Variants in ZEB1 observed in about 807,000 individuals in gnomAD.
ZEB1 encodes the protein zinc finger E-box binding homeobox 1, also known as zinc finger E-box-binding homeobox 1.
A neutral mutation model predicts 84.9 loss-of-function variants in ZEB1; 21 were observed. That is an observed-to-expected ratio of 0.25 (90% CI 0.18 to 0.36). ZEB1 has a LOEUF of 0.36. ZEB1 is among the 10% of genes least tolerant of loss of function. ZEB1 has a pLI of 1.00. For synonymous variants in ZEB1, 420 were observed against 471.1 expected, an observed-to-expected ratio of 0.89 and a Z score of 1.41; for missense variants, 1,104 against 1,330.2, an observed-to-expected ratio of 0.83 and a Z score of 2.65.
At chr10:31,424,278 A>G (rs1327725709) in intron 1 of ZEB1, among the ~76,000 whole-genome samples, 7 of 151,988 alleles carry the variant, frequency 4.6e-5, no homozygotes, top group Non-Finnish European at 8.8e-5. Flanking sequence ...ATGACTTTGC[A>G]TAACATTGTT....
chr10:31,469,871 C>T (rs575239673), intron 2 of ZEB1, among the ~76,000 whole-genome samples: 30 of 151,988 alleles, frequency 2.0e-4, no homozygotes, highest in Middle Eastern at 3.4e-3. Context: ...GATCTGAGAA[C>T]GGGTAGACTG....
chr10:31,383,360 T>C (rs1461469931), intron 1 of ZEB1, among the ~76,000 whole-genome samples: 1 of 152,118 alleles, frequency 6.6e-6, no homozygotes, highest in African/African-American at 2.4e-5. Flanking sequence ...TAAATGGGGC[T>C]AGTGGCCACA....
intron 2 of ZEB1, among the ~76,000 whole-genome samples, chr10:31,481,484 A>C (rs1450715181): frequency 6.6e-6 from 1 of 152,000 alleles, no homozygotes; most frequent in Non-Finnish European, 1.5e-5. Context: ...TGAGCCTAGA[A>C]TAGTAAGTAC....
chr10:31,360,811 C>T (rs2042905706), intron 1 of ZEB1: 1 of 678,174 alleles, frequency 1.5e-6, no homozygotes, highest in Non-Finnish European at 2.6e-6. Flanking sequence ...CATATATACA[C>T]TTAAAGTAAA....
chr10:31,504,535 C>A (rs980183206), intron 4 of ZEB1, among the ~76,000 whole-genome samples: 1 of 151,902 alleles, frequency 6.6e-6, no homozygotes, highest in South Asian at 2.1e-4. Context: ...ATCTGTAGAT[C>A]GCTCTGGGCA....
At chr10:31,496,756 T>A (rs991639309) in intron 3 of ZEB1, among the ~76,000 whole-genome samples, 3 of 152,116 alleles carry the variant, frequency 2.0e-5, no homozygotes, top group African/African-American at 7.2e-5. Context: ...TTTGTTTTTT[T>A]ACTTTGCTGT....
In ZEB1 at chr10:31,506,460, A is replaced by G. The variant is rs958463719; in HGVS notation, c.484+3951A>G. 2.6e-5 allele frequency among the ~76,000 whole-genome samples: 4 copies of G among 152,048 alleles called. No homozygotes were observed. The East Asian group carries it at 7.7e-4, about 29-fold the overall frequency. On this transcript the variant is annotated intron_variant, in intron 4 of 8. Coordinates refer to ENST00000424869, the MANE Select transcript of ZEB1 (RefSeq NM_001174096.2). ...CCAGGTACTCCAGTCTTGGGTACAT[A>G]TATGTTAAGAATTGTTATATCCTCT...
rs1442703436 is a variant in ZEB1, at chr10:31,377,743, G to A, written c.58+58451G>A. Among the ~76,000 whole-genome samples, 4 of 151,756 alleles carry A rather than the reference G, an allele frequency of 2.6e-5. 1 individual carries two copies. The highest frequency in any genetic ancestry group is 2.0e-4 in the Admixed American group (3 of 15,196). ...GGGAAACATGAAATTCCTTTAGTGT[G>A]CCTCATTTTCAGACATTTTCTTGTT... On this transcript the variant is annotated intron_variant, in intron 1 of 8. Transcript: ENST00000424869.
chr10:31,334,535 G>C (rs1365614180), intron 1 of ZEB1, among the ~76,000 whole-genome samples: 1 of 151,548 alleles, frequency 6.6e-6, no homozygotes, highest in East Asian at 1.9e-4. Context: ...GCAATTTTAA[G>C]AATTAGAAAA....
chr10:31,387,865 T>A (rs1056897689), intron 1 of ZEB1: 12 of 678,404 alleles, frequency 1.8e-5, no homozygotes, highest in Non-Finnish European at 2.2e-5. Context: ...CTTGAAAAAA[T>A]TACTTAAAAT....
Position 31,526,780 on chromosome 10 carries a change from A to C in ZEB1, c.2894A>C (p.Lys965Thr), listed in dbSNP as rs765964382. Reference sequence around the variant, plus strand: ...GGAGAAAAGCCCTATCAATGTGACAAATGTGGAAAGCGCTTCTCACACTCT... The same window carrying C: ...GGAGAAAAGCCCTATCAATGTGACACATGTGGAAAGCGCTTCTCACACTCT... ...HSGEKPYQCD[K>T]CGKRFSHSGS... Residue 965 changes from lysine (K) to threonine (T), a missense_variant, in exon 9 of 9, where the codon AAA becomes ACA. Coordinates refer to ENST00000424869, the MANE Select transcript of ZEB1 (RefSeq NM_001174096.2). The C allele has an allele frequency of 6.2e-7, 1 of 1,614,106 alleles. No homozygotes were observed. Among genetic ancestry groups the C allele is most frequent in the Non-Finnish European group, 8.5e-7 (1 of 1,180,012 alleles).
chr10:31,330,025 G>C (rs575059552), intron 1 of ZEB1, among the ~76,000 whole-genome samples: 1 of 152,188 alleles, frequency 6.6e-6, no homozygotes, highest in African/African-American at 2.4e-5. Flanking sequence ...TACCATTGAA[G>C]TGCCAAAGCT....
At chr10:31,321,438 T>C (rs1393891423) in intron 1 of ZEB1, 1 of 1,613,760 alleles carries the variant, frequency 6.2e-7, no homozygotes, top group Non-Finnish European at 8.5e-7. Flanking sequence ...GAGTGGAGCA[T>C]AGGCTATTGC....
intron 1 of ZEB1, among the ~76,000 whole-genome samples, chr10:31,382,283 C>G (rs1047978653): frequency 6.6e-6 from 1 of 152,078 alleles, no homozygotes; most frequent in African/African-American, 2.4e-5. Flanking sequence ...AAATGATTTT[C>G]TTAATTTTTG....
At chr10:31,352,215 T>C (rs1247357716) in intron 1 of ZEB1, among the ~76,000 whole-genome samples, 2 of 152,220 alleles carry the variant, frequency 1.3e-5, no homozygotes, top group Non-Finnish European at 2.9e-5. Context: ...TCCAAAGTCA[T>C]TGTGATTTTA....
intron 1 of ZEB1, among the ~76,000 whole-genome samples, chr10:31,353,270 A>T (rs1008930712): frequency 2.0e-5 from 3 of 152,250 alleles, no homozygotes; most frequent in African/African-American, 7.2e-5. Context: ...ACTTAAAGGT[A>T]TGTTTTAAAG....
In ZEB1 at chr10:31,520,983, T is replaced by C. The variant is rs962466685; in HGVS notation, c.1651T>C (p.Tyr551His). The change falls in exon 7 of 9, where the codon TAT (tyrosine) becomes CAT (histidine). Residue 551 changes from tyrosine (Y) to histidine (H), a missense_variant. Tyr to His is a moderately conservative substitution (Grantham distance 83, BLOSUM62 2). This residue lies in a region of ZEB1 where 531 missense variants were observed against 575.2 expected (regional missense o/e 0.92). Transcript: ENST00000424869. The surrounding 1 kb of genome is among the most constrained non-coding windows in gnomAD (Gnocchi z 5.1). ...TAATGCACTTCCAGAATTAAAGCACTATGACCTAAAGCAGCCTACTCAGCC... is the reference window on the plus strand; with the variant it reads ...TAATGCACTTCCAGAATTAAAGCACCATGACCTAAAGCAGCCTACTCAGCC... ...DINALPELKH[Y>H]DLKQPTQPPP... 6.2e-7 allele frequency: 1 copy of C among 1,614,096 alleles called. No individual in the cohort carries two copies.
chr10:31,495,620 T>C (rs538500744), intron 2 of ZEB1, among the ~76,000 whole-genome samples, 156 bp from the exon 3 acceptor site: 80 of 152,254 alleles, frequency 5.3e-4, no homozygotes, highest in Non-Finnish European at 1.0e-3. Flanking sequence ...ATATAATAGC[T>C]GTATATATTT....
chr10:31,343,544 G>T (rs895909810), intron 1 of ZEB1, among the ~76,000 whole-genome samples: 1 of 151,610 alleles, frequency 6.6e-6, no homozygotes, highest in Non-Finnish European at 1.5e-5. Context: ...TCATTTTGTG[G>T]TTGTGCCTGC....
Sources: gnomAD v4.1 joint callset for allele counts (sites outside exome capture counted in the v4.1 genomes callset) on GRCh38, gnomAD v4.1.1 for gene constraint, gnomAD v4.1.1 regional missense constraint, Gnocchi (gnomAD v3.1) non-coding constraint, MANE v1.5 for transcripts, NCBI Gene and HGNC (gene_info 2026-07-23, HGNC 2026-07-21) for gene names.